The following LIPH variants were observed in gnomAD, a reference collection of about 807,000 sequenced individuals.
LIPH encodes lipase member H.
LIPH carries 32 observed loss-of-function variants against 47.6 expected under a neutral mutation model. The ratio of observed to expected loss-of-function variants is 0.67; its 90% CI spans 0.51 to 0.90. The LOEUF is 0.90. Among genes scored for constraint, LIPH ranks in the 40% least tolerant of loss-of-function variants. The pLI is 0.00. For missense variants in LIPH, 497 were observed against 541.4 expected (o/e 0.92, Z 0.81); for synonymous variants, 190 against 195.6 (o/e 0.97, Z 0.24).
chr3:185,536,041 T>C (rs1043997304), intron 1 of LIPH, among the ~76,000 whole-genome samples: 1 of 152,168 alleles, frequency 6.6e-6, no homozygotes, highest in Non-Finnish European at 1.5e-5. Context: ...CTCCCAGCTA[T>C]AAGTACTATC....
chr3:185,519,951 T>C (rs1235800058), intron 5 of LIPH, among the ~76,000 whole-genome samples: 2 of 151,702 alleles, frequency 1.3e-5, no homozygotes, highest in Non-Finnish European at 2.9e-5. Flanking sequence ...ATCAAAATCG[T>C]GCTTATTAAA....
rs1719376674 is a variant in LIPH, at chr3:185,506,267, T to A, written c.*2523A>T. ...GATTCTGAGAACAGAGTGGCCACAG[T>A]TATAACTGCCTTTATTTCTCCTGAT... On this transcript the variant is annotated 3_prime_UTR_variant, in exon 10 of 10. Transcript: ENST00000296252. The A allele has an allele frequency of 6.6e-6, 1 of 152,152 alleles. No individual in the cohort carries two copies. The highest frequency in any genetic ancestry group is 1.5e-5 in the Non-Finnish European group (1 of 68,030). The allele number at this position is 152,152 out of a possible 1,614,324, so 9.4% of individuals were successfully genotyped here. A position where few individuals can be genotyped will look rare whatever the true frequency, so the allele number is the denominator to read the frequency against.
chr3:185,551,035 G>A lies in LIPH; in HGVS notation c.49+1388C>T, dbSNP rs1039614019. On this transcript the variant is annotated intron_variant, in intron 1 of 9. Coordinates refer to ENST00000296252, the MANE Select transcript of LIPH (RefSeq NM_139248.3). ...ACTAAAAATACAAAATTAGCCAGGC[G>A]CAGTGGCGCACTCCTGTAGTCCCAG... is the stretch of plus-strand genomic sequence containing the variant. Among the ~76,000 whole-genome samples, 30 of 152,022 alleles carry A rather than the reference G, an allele frequency of 2.0e-4. 1 individual carries two copies. Among genetic ancestry groups the A allele is most frequent in the Admixed American group, 1.6e-3 (24 of 15,262 alleles).
intron 7 of LIPH, 33 bp downstream of exon 7, chr3:185,517,034 A>C: frequency 1.5e-6 from 2 of 1,372,174 alleles, no homozygotes; most frequent in African/African-American, 2.8e-5. Context: ...AATGAGAGTT[A>C]GGCAAAAGCC....
intron 6 of LIPH, among the ~76,000 whole-genome samples, chr3:185,517,530 C>CT (rs1719767817): frequency 6.6e-6 from 1 of 152,190 alleles, no homozygotes; most frequent in African/African-American, 2.4e-5. Flanking sequence ...TAGCATCACT[C>CT]TTGAAAACCA....
chr3:185,527,303 G>A (rs1476110240), intron 4 of LIPH, among the ~76,000 whole-genome samples, 181 bp downstream of exon 4: 2 of 151,920 alleles, frequency 1.3e-5, no homozygotes, highest in Non-Finnish European at 2.9e-5. Context: ...TCTAGCACAA[G>A]GTCCTGGGTG....
chr3:185,533,526 C>T (rs1720401659), intron 3 of LIPH, 45 bp downstream of exon 3: 2 of 1,291,574 alleles, frequency 1.5e-6, no homozygotes, highest in African/African-American at 1.5e-5. Flanking sequence ...CCCCAGTGAA[C>T]ACCCTGCCCA....
At chr3:185,548,890 T>C (rs945669601) in intron 1 of LIPH, among the ~76,000 whole-genome samples, 2 of 151,876 alleles carry the variant, frequency 1.3e-5, no homozygotes, top group Non-Finnish European at 2.9e-5. Flanking sequence ...TCACAGCACT[T>C]TGGGAGGCCG....
At chr3:185,531,980 CA>C (rs1720344666) in intron 3 of LIPH, among the ~76,000 whole-genome samples, 1 of 151,374 alleles carries the variant, frequency 6.6e-6, no homozygotes, top group Non-Finnish European at 1.5e-5. Context: ...GCTGGGATTA[CA>C]GGCATGAGCT....
chr3:185,532,917 C>G (rs1720377900), intron 3 of LIPH, among the ~76,000 whole-genome samples: 1 of 152,156 alleles, frequency 6.6e-6, no homozygotes, highest in African/African-American at 2.4e-5. Flanking sequence ...CCATCCACTT[C>G]TACCTTTTCA....
At chr3:185,526,965 C>T (rs1246533904) in intron 4 of LIPH, among the ~76,000 whole-genome samples, 1 of 152,012 alleles carries the variant, frequency 6.6e-6, no homozygotes, top group Admixed American at 6.6e-5. Context: ...ATATGCCGGG[C>T]GCGGTGGCTC....
chr3:185,518,692 T>C (rs1048236080), intron 6 of LIPH, among the ~76,000 whole-genome samples: 12 of 152,080 alleles, frequency 7.9e-5, no homozygotes, highest in African/African-American at 2.9e-4. Context: ...TTTTTTTCTT[T>C]TTAAGAAATT....
Position 185,519,213 on chromosome 3 carries a change from G to A in LIPH, c.815C>T (p.Ser272Phe), listed in dbSNP as rs1274322632. 18 of 1,612,708 alleles carry A rather than the reference G, an allele frequency of 1.1e-5. No individual in the cohort carries two copies. Among genetic ancestry groups the A allele is most frequent in the Non-Finnish European group, 1.4e-5 (17 of 1,178,712 alleles). Residue 272 changes from serine (S) to phenylalanine (F), a missense_variant, in exon 6 of 10, where the codon TCC (serine) becomes TTC (phenylalanine). Transcript: ENST00000296252. ...CTTGCCATTCCTATAATCCTGGTAG[G>A]AGTCACAGGGATACGCAGTGATGGT... ...SCTITAYPCD[S>F]YQDYRNGKCV...
intron 6 of LIPH, among the ~76,000 whole-genome samples, chr3:185,518,491 A>T (rs1049889376): frequency 6.6e-6 from 1 of 151,920 alleles, no homozygotes; most frequent in African/African-American, 2.4e-5. Context: ...CATGTTGGCC[A>T]GGCTGGTCTC....
At chr3:185,513,666 G>A (rs968516989) in intron 8 of LIPH, among the ~76,000 whole-genome samples, 1 of 152,172 alleles carries the variant, frequency 6.6e-6, no homozygotes, top group Non-Finnish European at 1.5e-5. Context: ...CCAAGAGGAG[G>A]AGGCAACCCA....
intron 1 of LIPH, among the ~76,000 whole-genome samples, chr3:185,535,492 G>A (rs1022503500): frequency 6.6e-6 from 1 of 152,126 alleles, no homozygotes. Context: ...TGGCCAGGCT[G>A]ATCTCAAACT....
chr3:185,510,363 A>C (rs1322805441), intron 9 of LIPH, among the ~76,000 whole-genome samples: 1 of 152,180 alleles, frequency 6.6e-6, no homozygotes, highest in Non-Finnish European at 1.5e-5. Context: ...GGCATTTGTC[A>C]CAAAACATAC....
intron 3 of LIPH, among the ~76,000 whole-genome samples, chr3:185,531,326 C>T (rs1227429245): frequency 1.3e-5 from 2 of 151,600 alleles, no homozygotes; most frequent in Non-Finnish European, 1.5e-5. Context: ...GCAGGCAGAT[C>T]GCTTGAACAC....
At chr3:185,521,716 T>G (rs1719903375) in intron 5 of LIPH, among the ~76,000 whole-genome samples, 1 of 152,206 alleles carries the variant, frequency 6.6e-6, no homozygotes, top group South Asian at 2.1e-4. Flanking sequence ...GTAGTTCCAT[T>G]TCTGGACTAG....
Sources: allele counts gnomAD v4.1 joint callset (sites outside exome capture counted in the v4.1 genomes callset), GRCh38; gene constraint gnomAD v4.1.1; transcripts MANE v1.5; gene names NCBI Gene and HGNC (gene_info 2026-07-23, HGNC 2026-07-21).